Variants in CDH13 observed in about 807,000 individuals in gnomAD.
The protein encoded by CDH13 is cadherin 13.
Under a neutral mutation model 63.8 loss-of-function variants are expected in CDH13, and 24 were observed. The observed-to-expected ratio is 0.38, with a 90% CI of 0.27 to 0.53. The LOEUF (loss-of-function observed/expected upper bound fraction) is 0.53. Among genes scored for constraint, CDH13 ranks in the 20% least tolerant of loss-of-function variants. CDH13 has a pLI of 0.85. For synonymous variants in CDH13, 503 were observed against 355.3 expected, an observed-to-expected ratio of 1.42 and a Z score of -4.67; for missense variants, 1,049 against 903.1, an observed-to-expected ratio of 1.16 and a Z score of -2.07.
chr16:83,296,643 A>G (rs1469898299), intron 5 of CDH13, among the ~76,000 whole-genome samples: 1 of 152,188 alleles, frequency 6.6e-6, no homozygotes, highest in Non-Finnish European at 1.5e-5. Flanking sequence ...ACACACACAC[A>G]TAAGTGGATC....
chr16:83,471,362 C>T (rs184726229), intron 6 of CDH13, among the ~76,000 whole-genome samples: 2 of 151,338 alleles, frequency 1.3e-5, no homozygotes, highest in South Asian at 2.1e-4. Flanking sequence ...GCAACCTCCA[C>T]CCTCCGGGTT....
chr16:82,642,973 C>T (rs558218155), intron 1 of CDH13, among the ~76,000 whole-genome samples: 1 of 152,154 alleles, frequency 6.6e-6, no homozygotes, highest in South Asian at 2.1e-4. Flanking sequence ...TTGTATGATT[C>T]TATGAAATGG....
At chr16:83,657,587 C>T (rs1475329559) in intron 8 of CDH13, among the ~76,000 whole-genome samples, 1 of 152,204 alleles carries the variant, frequency 6.6e-6, no homozygotes, top group African/African-American at 2.4e-5. Flanking sequence ...CTGCAGCAGA[C>T]CGCTTCTTTG....
rs2074247661 is a variant in CDH13 at position 83,500,331 on chromosome 16, TCC to T, written c.960+13677_960+13678del. ...CTCCTTCTCCTTCTCCTCCTCCTCC[TCC>T]TCCTCCTCCTCCTCCTCCTCCTTCT... On this transcript the variant is annotated intron_variant, in intron 7 of 13. Transcript: ENST00000567109. Among the ~76,000 whole-genome samples, 3 of 1,968 alleles carry T rather than the reference TCC, an allele frequency of 1.5e-3. 1 individual carries two copies. The highest frequency in any genetic ancestry group is 0.019 in the Admixed American group (2 of 106). The allele number at this position is 1,968 out of a possible 152,430, so 1.3% of individuals were successfully genotyped here.
intron 1 of CDH13, among the ~76,000 whole-genome samples, chr16:82,714,712 T>TAAAAAAA (rs71146088): frequency 3.3e-5 from 1 of 29,986 alleles, no homozygotes; most frequent in African/African-American, 1.3e-4. Flanking sequence ...AGACTCCATC[T>TAAAAAAA]AAAAAAAAAA....
intron 7 of CDH13, among the ~76,000 whole-genome samples, chr16:83,582,923 C>G (rs965580228): frequency 2.0e-5 from 3 of 152,090 alleles, no homozygotes; most frequent in African/African-American, 7.2e-5. Context: ...TGTTAACTTC[C>G]TAGGGATCCT....
At chr16:83,652,369 C>G (rs182752780) in intron 8 of CDH13, among the ~76,000 whole-genome samples, 1 of 152,304 alleles carries the variant, frequency 6.6e-6, no homozygotes, top group Admixed American at 6.5e-5. Flanking sequence ...GTGTGTCAAT[C>G]TCCCTACAGC....
At position 82,670,137 on chromosome 16, in the gene CDH13, C is replaced by A. The variant is rs537558500; in HGVS notation, c.45+43000C>A. On this transcript the variant is annotated intron_variant, in intron 1 of 13. Coordinates refer to ENST00000567109, the MANE Select transcript of CDH13 (RefSeq NM_001257.5). ...ATGGGGCTTCAGGTTGGACTGCCCA[C>A]TCCAGTGCCTGAGAATTTACTGGGA... is the stretch of plus-strand genomic sequence containing the variant. 7.2e-5 allele frequency among the ~76,000 whole-genome samples: 11 copies of A among 152,330 alleles called. No homozygotes were observed. The South Asian group carries it at 2.3e-3, about 32-fold the overall frequency.
Position 82,923,102 on chromosome 16 carries a change from A to G in CDH13, c.157+64629A>G, listed in dbSNP as rs117179794. Among the ~76,000 whole-genome samples the G allele has an allele frequency of 3.9e-3, 601 of 152,352 alleles. 26 individuals carry two copies. In the East Asian group the frequency reaches 0.085, roughly 22 times the overall value. ...GACTCAAAGAACACATGTTTTAGGA[A>G]AAATGGCGCCAATAGACTTGCTCAA... On this transcript the variant is annotated intron_variant, in intron 2 of 13. Transcript: ENST00000567109.
chr16:83,528,063 G>T (rs1247457839), intron 7 of CDH13, among the ~76,000 whole-genome samples: 1 of 152,118 alleles, frequency 6.6e-6, no homozygotes, highest in Non-Finnish European at 1.5e-5. Flanking sequence ...AGCCAGAAGT[G>T]GGCCCCCTAC....
rs145545668 is a variant in CDH13 at position 83,745,703 on chromosome 16, A to T, written c.1539-2405A>T. Reference sequence around the variant, plus strand: ...ACAGCCTCCCCCAGGTAACAATCCCATTGCAGCCCCCAAGATGACCTTTAA... The same window carrying T: ...ACAGCCTCCCCCAGGTAACAATCCCTTTGCAGCCCCCAAGATGACCTTTAA... On this transcript the variant is annotated intron_variant, in intron 10 of 13. Coordinates refer to ENST00000567109, the MANE Select transcript of CDH13 (RefSeq NM_001257.5). 6.8e-3 allele frequency among the ~76,000 whole-genome samples: 1,041 copies of T among 152,178 alleles called. 5 individuals are homozygous for T. Among genetic ancestry groups the T allele is most frequent in the Non-Finnish European group, 0.011 (778 of 67,998 alleles).
intron 1 of CDH13, among the ~76,000 whole-genome samples, chr16:82,683,253 C>T (rs897566463): frequency 6.6e-6 from 1 of 152,122 alleles, no homozygotes; most frequent in Non-Finnish European, 1.5e-5. Context: ...CCTTTCTGTC[C>T]AGGTTTGATC....
chr16:82,985,852 C>T (rs746561474), intron 2 of CDH13, among the ~76,000 whole-genome samples: 3 of 152,016 alleles, frequency 2.0e-5, no homozygotes, highest in African/African-American at 4.8e-5. Context: ...GAGATCTGGT[C>T]GTTTAAAAGC....
chr16:83,594,085 G>A (rs930034762), intron 7 of CDH13, among the ~76,000 whole-genome samples: 1 of 152,186 alleles, frequency 6.6e-6, no homozygotes, highest in Non-Finnish European at 1.5e-5. Context: ...CTTGCTGGAA[G>A]ATTTGTCTAA....
At chr16:82,760,951 C>T (rs2034814625) in intron 1 of CDH13, among the ~76,000 whole-genome samples, 1 of 149,508 alleles carries the variant, frequency 6.7e-6, no homozygotes, top group Non-Finnish European at 1.5e-5. Context: ...GAGGGATCTA[C>T]CCCCATAAGC....
chr16:83,215,073 CT>C (rs571565652), intron 4 of CDH13, among the ~76,000 whole-genome samples: 26 of 56,238 alleles, frequency 4.6e-4, no homozygotes, highest in South Asian at 8.1e-4. Flanking sequence ...TCAAACACCT[CT>C]TTTTTTTTTT....
At chr16:83,361,608 A>G (rs922395788) in intron 6 of CDH13, among the ~76,000 whole-genome samples, 4 of 152,200 alleles carry the variant, frequency 2.6e-5, no homozygotes, top group Non-Finnish European at 4.4e-5. Flanking sequence ...ATTTTTGTAT[A>G]TGATGAAATG....
chr16:83,365,956 T>C (rs1255330804), intron 6 of CDH13, among the ~76,000 whole-genome samples: 1 of 152,186 alleles, frequency 6.6e-6, no homozygotes, highest in Non-Finnish European at 1.5e-5. Flanking sequence ...TTTGGCCTTA[T>C]GAGCCCCTAA....
intron 1 of CDH13, among the ~76,000 whole-genome samples, chr16:82,740,864 G>A (rs1019376065): frequency 6.6e-6 from 1 of 152,158 alleles, no homozygotes; most frequent in Non-Finnish European, 1.5e-5. Flanking sequence ...CATATGGGGA[G>A]TAGTGAAAAA....
Sources: gnomAD v4.1 joint callset for allele counts (sites outside exome capture counted in the v4.1 genomes callset) on GRCh38, gnomAD v4.1.1 for gene constraint, MANE v1.5 for transcripts, NCBI Gene and HGNC (gene_info 2026-07-23, HGNC 2026-07-21) for gene names.